Variants in ANO5 observed in about 807,000 individuals in gnomAD.
ANO5 encodes the protein anoctamin 5, also known as anoctamin-5.
A neutral mutation model predicts 121.0 loss-of-function variants in ANO5; 109 were observed. The ratio of observed to expected loss-of-function variants is 0.90; its 90% CI spans 0.77 to 1.06. The LOEUF (loss-of-function observed/expected upper bound fraction) is 1.06, where lower values mean the gene tolerates loss of function less well. Among genes scored for constraint, ANO5 ranks in the 50% least tolerant of loss-of-function variants. ANO5 has a pLI of 0.00. For missense variants in ANO5, 1,064 were observed against 1,078.5 expected (o/e 0.99, Z 0.19); for synonymous variants, 406 against 359.9 (o/e 1.13, Z -1.45).
chr11:22,272,287 A>G (rs1438966285), intron 18 of ANO5, among the ~76,000 whole-genome samples: 1 of 137,488 alleles, frequency 7.3e-6, no homozygotes. Flanking sequence ...TAGAAAATGT[A>G]TATTTCCTTT....
At chr11:22,204,999 T>C (rs1590216673) in intron 2 of ANO5, among the ~76,000 whole-genome samples, 1 of 152,124 alleles carries the variant, frequency 6.6e-6, no homozygotes, top group Non-Finnish European at 1.5e-5. Flanking sequence ...ATATATATCA[T>C]AAAATACTAT....
intron 6 of ANO5, among the ~76,000 whole-genome samples, chr11:22,226,745 C>G (rs1479955796): frequency 6.6e-6 from 1 of 152,054 alleles, no homozygotes; most frequent in Non-Finnish European, 1.5e-5. Context: ...GCATTACTCT[C>G]TAGTTCTCCC....
chr11:22,202,172 T>C (rs967590285), intron 1 of ANO5, among the ~76,000 whole-genome samples: 1 of 151,904 alleles, frequency 6.6e-6, no homozygotes, highest in Non-Finnish European at 1.5e-5. Context: ...TAAAATAAAA[T>C]AAAATTATAA....
intron 8 of ANO5, among the ~76,000 whole-genome samples, chr11:22,239,190 A>T (rs149998628): frequency 6.6e-6 from 1 of 152,004 alleles, no homozygotes. Context: ...TGTTCCTTGA[A>T]GTTTAATTTT....
intron 4 of ANO5, among the ~76,000 whole-genome samples, chr11:22,218,643 C>T (rs1357045711): frequency 6.6e-6 from 1 of 152,078 alleles, no homozygotes; most frequent in Non-Finnish European, 1.5e-5. Context: ...TCACTGCAGC[C>T]TCAACCTCCC....
chr11:22,249,317 T>C (rs936496375), intron 9 of ANO5, among the ~76,000 whole-genome samples: 1 of 152,066 alleles, frequency 6.6e-6, no homozygotes, highest in Admixed American at 6.6e-5. Flanking sequence ...TGTGTTCTTG[T>C]TAAGCATATA....
rs2133705009 is a variant in ANO5 at position 22,250,979 on chromosome 11, C to T, written c.1148C>T (p.Thr383Ile). 1 of 1,612,288 alleles carries T rather than the reference C, an allele frequency of 6.2e-7. No homozygotes were observed. Among genetic ancestry groups the T allele is most frequent in the Middle Eastern group, 1.7e-4 (1 of 6,050 alleles). ...TCCCATTTGTTTGATAATGAGTCAA[C>T]AGTGTTCTTTGCAATATTCATGGGA... is the stretch of plus-strand genomic sequence containing the variant. The part of the protein sequence containing the change: ...KFSHLFDNES[T>I]VFFAIFMGIW... Residue 383 changes from threonine to isoleucine, a missense_variant, in exon 12 of 22, where the codon ACA becomes ATA. Physicochemically the swap from Thr to Ile is moderately conservative, Grantham distance 89 (BLOSUM62 -1). Coordinates refer to ENST00000324559, the MANE Select transcript of ANO5 (RefSeq NM_213599.3).
At position 22,236,214 on chromosome 11, in the gene ANO5, AG is replaced by A; in HGVS notation, c.702del (p.Arg234SerfsTer8). On this transcript the variant is annotated frameshift_variant, in exon 8 of 22. Transcript: ENST00000324559. LOFTEE classifies it high-confidence loss of function. Reference protein sequence around the residue: ...CPFGIEDGKKRFGIERLLNSN... With the variant: ...CPFGIEDGKKXFGIERLLNSN... ...TTTTGGCATAGAAGATGGGAAGAAA[AG>A]GTTTGGGATTGAAAGACTGCTAAAC... 1 of 1,613,428 alleles carries A rather than the reference AG, an allele frequency of 6.2e-7. No homozygotes were observed. The highest frequency in any genetic ancestry group is 1.1e-5 in the South Asian group (1 of 91,074).
At chr11:22,248,345 TA>T (rs914400056) in intron 9 of ANO5, among the ~76,000 whole-genome samples, 2 of 152,022 alleles carry the variant, frequency 1.3e-5, no homozygotes, top group Non-Finnish European at 2.9e-5. Context: ...TTCTAAAAAA[TA>T]ATACTCAAAA....
chr11:22,241,565 T>A (rs1007156576), intron 9 of ANO5, among the ~76,000 whole-genome samples: 3 of 152,146 alleles, frequency 2.0e-5, no homozygotes, highest in African/African-American at 7.2e-5. Flanking sequence ...TGATATTTCT[T>A]GACTTTTTAA....
intron 4 of ANO5, among the ~76,000 whole-genome samples, chr11:22,219,592 C>T (rs946105448): frequency 6.6e-6 from 1 of 151,928 alleles, no homozygotes; most frequent in African/African-American, 2.4e-5. Flanking sequence ...TTTATTTAGT[C>T]TAAGTAGTAT....
intron 1 of ANO5, among the ~76,000 whole-genome samples, chr11:22,203,249 A>G (rs977211755): frequency 5.3e-5 from 8 of 152,168 alleles, no homozygotes; most frequent in Admixed American, 3.3e-4. Flanking sequence ...TAAGAATTTC[A>G]GTTCTGTATT....
chr11:22,213,128 C>T (rs1480858727), intron 3 of ANO5, among the ~76,000 whole-genome samples: 1 of 151,424 alleles, frequency 6.6e-6, no homozygotes, highest in African/African-American at 2.4e-5. Flanking sequence ...TCTTATACCC[C>T]ACACTGATTT....
chr11:22,255,708 G>T (rs552238132), intron 13 of ANO5, among the ~76,000 whole-genome samples, 186 bp downstream of exon 13: 1 of 152,028 alleles, frequency 6.6e-6, no homozygotes, highest in South Asian at 2.1e-4. Context: ...GTATATATAT[G>T]AAAATTTTCA....
intron 18 of ANO5, 48 bp from the exon 19 acceptor site, chr11:22,272,736 C>T: frequency 6.4e-7 from 1 of 1,560,064 alleles, no homozygotes; most frequent in Non-Finnish European, 8.8e-7. Context: ...GTGTTCCTGT[C>T]TTTCTCCTTC....
chr11:22,265,385 A>G (rs1431658207), intron 17 of ANO5, among the ~76,000 whole-genome samples: 2 of 152,132 alleles, frequency 1.3e-5, no homozygotes, highest in African/African-American at 4.8e-5. Context: ...GGTAAAATAG[A>G]CATTTTTAGA....
chr11:22,219,741 A>G (rs1014453602), intron 4 of ANO5, among the ~76,000 whole-genome samples: 1 of 151,964 alleles, frequency 6.6e-6, no homozygotes, highest in African/African-American at 2.4e-5. Context: ...TAATCAAAGT[A>G]TAGTGTGATA....
rs1421356484 is a variant in ANO5 at position 22,196,395 on chromosome 11, C to T, written c.40+2863C>T. ...TCATGACGTAATCACCTCTTCAAGG[C>T]TCTACCTCCTAATACCATTACAATG... On this transcript the variant is annotated intron_variant, in intron 1 of 21. Transcript: ENST00000324559. 2.6e-5 allele frequency among the ~76,000 whole-genome samples: 4 copies of T among 152,216 alleles called. No individual in the cohort carries two copies. In the East Asian group the frequency reaches 5.8e-4, roughly 22 times the overall value.
At chr11:22,252,005 G>A (rs1853834057) in intron 12 of ANO5, among the ~76,000 whole-genome samples, 1 of 112,016 alleles carries the variant, frequency 8.9e-6, no homozygotes, top group African/African-American at 3.5e-5. Flanking sequence ...ACTCAAGCCT[G>A]AGAGACAGAG....
Sources: allele counts gnomAD v4.1 joint callset (sites outside exome capture counted in the v4.1 genomes callset), GRCh38; gene constraint gnomAD v4.1.1; transcripts MANE v1.5; gene names NCBI Gene and HGNC (gene_info 2026-07-23, HGNC 2026-07-21).